The following CALCR variants were observed in gnomAD, a reference collection of about 807,000 sequenced individuals.
The protein encoded by CALCR is calcitonin receptor.
Under a neutral mutation model 59.5 loss-of-function variants are expected in CALCR, and 47 were observed. The observed-to-expected ratio is 0.79, with a 90% CI of 0.63 to 1.01. The LOEUF (loss-of-function observed/expected upper bound fraction) is 1.01. CALCR is among the 50% of genes least tolerant of loss of function. CALCR has a pLI of 0.00. For missense variants in CALCR, 566 were observed against 597.1 expected, an observed-to-expected ratio of 0.95 and a Z score of 0.54; for synonymous variants, 213 against 211.3, an observed-to-expected ratio of 1.01 and a Z score of -0.07.
chr7:93,529,792 GT>G lies in CALCR; in HGVS notation c.-26-42786del, dbSNP rs1198026601. 5.3e-5 allele frequency among the ~76,000 whole-genome samples: 8 copies of G among 152,256 alleles called. No individual in the cohort carries two copies. In the East Asian group the frequency reaches 1.5e-3, roughly 29 times the overall value. On this transcript the variant is annotated intron_variant, in intron 2 of 13. Coordinates refer to ENST00000426151, the MANE Select transcript of CALCR (RefSeq NM_001742.4). ...GATGATGAAGGTTTGGATGAAGTCA[GT>G]GATTACCACTCTAAAATACTTAGAA...
intron 2 of CALCR, among the ~76,000 whole-genome samples, chr7:93,564,999 A>G (rs567407605): frequency 6.6e-6 from 1 of 152,270 alleles, no homozygotes; most frequent in East Asian, 1.9e-4. Context: ...AGGGGAGGGG[A>G]CATGAGAGAC....
chr7:93,471,175 GA>G (rs1004782089), intron 6 of CALCR, among the ~76,000 whole-genome samples: 1 of 151,792 alleles, frequency 6.6e-6, no homozygotes, highest in African/African-American at 2.4e-5. Context: ...ACAACACTAA[GA>G]ATGATTTGGA....
intron 13 of CALCR, among the ~76,000 whole-genome samples, chr7:93,427,000 T>C (rs1383515684): frequency 1.3e-5 from 2 of 152,216 alleles, no homozygotes; most frequent in Non-Finnish European, 2.9e-5. Flanking sequence ...AAAATATATA[T>C]GTAAACCATA....
At chr7:93,556,604 T>C (rs897810176) in intron 2 of CALCR, among the ~76,000 whole-genome samples, 1 of 152,060 alleles carries the variant, frequency 6.6e-6, no homozygotes, top group African/African-American at 2.4e-5. Flanking sequence ...ATTCTAGACA[T>C]TTTTCTGTGC....
chr7:93,460,783 T>TTAAAA, intron 8 of CALCR, 38 bp downstream of exon 8: 2 of 1,521,580 alleles, frequency 1.3e-6, no homozygotes, highest in Non-Finnish European at 8.9e-7. Flanking sequence ...ACTATATCCT[T>TTAAAA]TAAAATAAAA....
intron 8 of CALCR, among the ~76,000 whole-genome samples, chr7:93,460,308 C>G (rs939939381): frequency 1.3e-5 from 2 of 151,888 alleles, no homozygotes; most frequent in African/African-American, 2.4e-5. Flanking sequence ...GTAATCCCAG[C>G]ATTTTGGGAG....
chr7:93,544,209 AAAAC>A (rs1789223761), intron 2 of CALCR, among the ~76,000 whole-genome samples: 1 of 150,680 alleles, frequency 6.6e-6, no homozygotes, highest in African/African-American at 2.4e-5. Flanking sequence ...GAATAAAAGA[AAAAC>A]AAAATTTCTT....
intron 7 of CALCR, chr7:93,461,958 A>G (rs1800345292): frequency 1.4e-6 from 1 of 709,350 alleles, no homozygotes. Flanking sequence ...TCATAACACT[A>G]ACTATTCCTA....
Position 93,464,707 on chromosome 7 carries a change from G to A in CALCR, c.522-3760C>T, listed in dbSNP as rs1800406146. Among the ~76,000 whole-genome samples, 3 of 151,870 alleles carry A rather than the reference G, an allele frequency of 2.0e-5. No individual in the cohort carries two copies. The Admixed American group carries it at 2.0e-4, about 10-fold the overall frequency. On this transcript the variant is annotated intron_variant, in intron 7 of 13. Transcript: ENST00000426151. ...TTCTATGGGTGAAGAATATGCCGTG[G>A]TATGATCAACAGTTATCTTTGGTGT...
At chr7:93,485,507 T>G (rs1464949424) in intron 3 of CALCR, among the ~76,000 whole-genome samples, 1 of 151,686 alleles carries the variant, frequency 6.6e-6, no homozygotes, top group Non-Finnish European at 1.5e-5. Context: ...TCTGTCATGT[T>G]CAATATAATT....
intron 2 of CALCR, among the ~76,000 whole-genome samples, chr7:93,498,901 T>C (rs1801265649): frequency 6.6e-6 from 1 of 151,516 alleles, no homozygotes; most frequent in Non-Finnish European, 1.5e-5. Flanking sequence ...AGATCAACTA[T>C]GGCAAATATT....
At chr7:93,427,529 ATTCTGC>A (rs1358851562) in intron 13 of CALCR, among the ~76,000 whole-genome samples, 5 of 152,208 alleles carry the variant, frequency 3.3e-5, no homozygotes, top group Non-Finnish European at 2.9e-5. Context: ...TCCTTAGTTC[ATTCTGC>A]TGCCAAACTC....
In CALCR at chr7:93,551,289, C is replaced by T. The variant is rs546207688; in HGVS notation, c.-27+23000G>A. Reference sequence around the variant, plus strand: ...CTTGTCAACTCCTAAGAAATGCGCTCAAGAACTTAAAACGTGTATTTCATC... The same window carrying T: ...CTTGTCAACTCCTAAGAAATGCGCTTAAGAACTTAAAACGTGTATTTCATC... On this transcript the variant is annotated intron_variant, in intron 2 of 13. Transcript: ENST00000426151. Among the ~76,000 whole-genome samples, 5 of 152,206 alleles carry T rather than the reference C, an allele frequency of 3.3e-5. No homozygotes were observed. The East Asian group carries it at 7.7e-4, about 24-fold the overall frequency.
intron 2 of CALCR, among the ~76,000 whole-genome samples, chr7:93,514,648 A>T (rs1801613824): frequency 6.6e-6 from 1 of 152,030 alleles, no homozygotes; most frequent in South Asian, 2.1e-4. Context: ...GTACTAATGC[A>T]CTCAGAGTAA....
chr7:93,535,544 GACA>G (rs1788961942), intron 2 of CALCR, among the ~76,000 whole-genome samples: 1 of 151,696 alleles, frequency 6.6e-6, no homozygotes, highest in Admixed American at 6.6e-5. Context: ...TGATTGTTAT[GACA>G]CTATTACTTC....
chr7:93,454,834 C>T (rs935411486), intron 8 of CALCR, among the ~76,000 whole-genome samples: 1 of 151,440 alleles, frequency 6.6e-6, no homozygotes, highest in Non-Finnish European at 1.5e-5. Flanking sequence ...TTTCCAAAAA[C>T]TACCCAGGGA....
chr7:93,503,639 G>A (rs1392887561), intron 2 of CALCR, among the ~76,000 whole-genome samples: 3 of 152,140 alleles, frequency 2.0e-5, no homozygotes, highest in African/African-American at 7.2e-5. Flanking sequence ...TTCTTGTTCT[G>A]TGTTTTGTGC....
chr7:93,474,621 G>A, intron 5 of CALCR, among the ~76,000 whole-genome samples: 1 of 151,708 alleles, frequency 6.6e-6, no homozygotes. Context: ...GAATGTACTT[G>A]CCAAATTTAA....
chr7:93,454,221 G>T (rs573994525), intron 8 of CALCR, among the ~76,000 whole-genome samples: 2 of 152,000 alleles, frequency 1.3e-5, no homozygotes, highest in African/African-American at 2.4e-5. Flanking sequence ...TAGTGTCTTG[G>T]CTCTGAGCAT....
Sources: gnomAD v4.1 joint callset for allele counts (sites outside exome capture counted in the v4.1 genomes callset) on GRCh38, gnomAD v4.1.1 for gene constraint, MANE v1.5 for transcripts, NCBI Gene and HGNC (gene_info 2026-07-23, HGNC 2026-07-21) for gene names.